The following SLC7A14 variants were observed in gnomAD, a reference collection of about 807,000 sequenced individuals.
The protein encoded by SLC7A14 is solute carrier family 7 member 14.
In SLC7A14, 37 loss-of-function variants were observed where a neutral mutation model predicts 60.2. The ratio of observed to expected loss-of-function variants is 0.61; its 90% CI spans 0.47 to 0.81. The LOEUF (loss-of-function observed/expected upper bound fraction) is 0.81, where lower values mean the gene tolerates loss of function less well. Ranked by LOEUF, SLC7A14 falls within the 30% of genes least tolerant of loss-of-function variation. SLC7A14 has a pLI of 0.00. For missense variants in SLC7A14, 886 were observed against 982.7 expected, an observed-to-expected ratio of 0.90 and a Z score of 1.32; for synonymous variants, 399 against 395.8, an observed-to-expected ratio of 1.01 and a Z score of -0.10.
At chr3:170,530,708 C>G (rs773679932) in intron 1 of SLC7A14, among the ~76,000 whole-genome samples, 1 of 152,120 alleles carries the variant, frequency 6.6e-6, no homozygotes, top group Admixed American at 6.6e-5. Flanking sequence ...TGTAAAAAGG[C>G]GAGGGGTGTG....
At chr3:170,569,936 T>C (rs1406687721) in intron 1 of SLC7A14, among the ~76,000 whole-genome samples, 2 of 152,174 alleles carry the variant, frequency 1.3e-5, no homozygotes, top group Non-Finnish European at 2.9e-5. Flanking sequence ...GGTCTATCAA[T>C]TTTGTTGATC....
At chr3:170,505,306 C>T (rs968203964) in intron 2 of SLC7A14, among the ~76,000 whole-genome samples, 2 of 152,224 alleles carry the variant, frequency 1.3e-5, no homozygotes, top group Admixed American at 1.3e-4. Context: ...GGCAGTTGTA[C>T]TCACAGTGGT....
At position 170,486,307 on chromosome 3, in the gene SLC7A14, G is replaced by T; in HGVS notation, c.821C>A (p.Thr274Asn). ...GTTGGGATTCTTGGCTTCCTCTCCA[G>T]TGGTGGCGATGATGTCAAAGCCAAT... ...AFIGFDIIAT[T>N]GEEAKNPNTS... Residue 274 changes from threonine (T) to asparagine (N), a missense_variant, in exon 5 of 8, where the codon ACT (threonine) becomes AAT (asparagine). Thr to Asn is a moderately conservative substitution (Grantham distance 65). Transcript: ENST00000231706. The T allele has an allele frequency of 6.2e-7, 1 of 1,614,244 alleles. No individual in the cohort carries two copies. The highest frequency in any genetic ancestry group is 8.5e-7 in the Non-Finnish European group (1 of 1,180,040).
chr3:170,486,226 A>T lies in SLC7A14; in HGVS notation c.902T>A (p.Val301Glu). 1.2e-6 allele frequency: 2 copies of T among 1,614,154 alleles called. No homozygotes were observed. The highest frequency in any genetic ancestry group is 1.7e-6 in the Non-Finnish European group (2 of 1,180,032). The change falls in exon 5 of 8, where the codon GTG becomes GAG. Residue 301 changes from valine (V) to glutamate (E), a missense_variant. By Grantham distance (121) the Val-to-Glu change is moderately radical (BLOSUM62 -2). Coordinates refer to ENST00000231706, the MANE Select transcript of SLC7A14 (RefSeq NM_020949.3). ...ASLVICLTAY[V>E]SVSVILTLMV... ...CCGCAAGCATCTGGTACTTACAGAC[A>T]CATATGCTGTCAGGCAGATGACCAG...
rs917337435 is a variant in SLC7A14, at chr3:170,464,934, A to G, written c.*2121T>C. On this transcript the variant is annotated 3_prime_UTR_variant, in exon 8 of 8. Coordinates refer to ENST00000231706, the MANE Select transcript of SLC7A14 (RefSeq NM_020949.3). Reference sequence around the variant, plus strand: ...GTATCAAGCTTAACAGATTCTATTTACACCAGGCAGATTTGTTGAGTCCTA... The same window carrying G: ...GTATCAAGCTTAACAGATTCTATTTGCACCAGGCAGATTTGTTGAGTCCTA... 6.6e-6 allele frequency: 1 copy of G among 152,248 alleles called. No individual in the cohort carries two copies. Among genetic ancestry groups the G allele is most frequent in the African/African-American group, 2.4e-5 (1 of 41,470 alleles). The allele number at this position is 152,248 out of a possible 1,614,324, so 9.4% of individuals were successfully genotyped here.
At chr3:170,488,314 A>C (rs368069641) in intron 4 of SLC7A14, among the ~76,000 whole-genome samples, 1 of 152,144 alleles carries the variant, frequency 6.6e-6, no homozygotes, top group African/African-American at 2.4e-5. Flanking sequence ...TTCCAGAAGA[A>C]AAGAGAACTC....
chr3:170,548,022 G>C (rs1714232171), intron 1 of SLC7A14, among the ~76,000 whole-genome samples: 1 of 152,174 alleles, frequency 6.6e-6, no homozygotes, highest in African/African-American at 2.4e-5. Context: ...CCCTTTGCCA[G>C]ACTGCCCTCT....
intron 4 of SLC7A14, chr3:170,496,366 G>A (rs982136516): frequency 9.9e-6 from 14 of 1,409,000 alleles, no homozygotes; most frequent in Admixed American, 3.4e-5. Flanking sequence ...GAGATGAACC[G>A]GAACATCAGC....
intron 1 of SLC7A14, among the ~76,000 whole-genome samples, chr3:170,560,815 T>C (rs976182710): frequency 1.3e-5 from 2 of 152,216 alleles, no homozygotes; most frequent in Non-Finnish European, 2.9e-5. Flanking sequence ...TTGACGTGTT[T>C]TAATTTAGCC....
intron 1 of SLC7A14, among the ~76,000 whole-genome samples, chr3:170,557,279 C>A (rs1714512157): frequency 6.6e-6 from 1 of 152,000 alleles, no homozygotes; most frequent in Admixed American, 6.6e-5. Context: ...GAATGTGGAG[C>A]CCATTTTTTT....
intron 7 of SLC7A14, among the ~76,000 whole-genome samples, chr3:170,472,201 T>C (rs1739929568): frequency 6.8e-6 from 1 of 146,020 alleles, no homozygotes; most frequent in African/African-American, 2.6e-5. Context: ...AAACCCCGTC[T>C]ACTAAAAAAA....
chr3:170,510,473 T>C (rs925433214), intron 2 of SLC7A14, among the ~76,000 whole-genome samples: 10 of 152,110 alleles, frequency 6.6e-5, no homozygotes, highest in South Asian at 2.1e-4. Flanking sequence ...TCTCCCTCTA[T>C]GAAAATATTT....
intron 2 of SLC7A14, among the ~76,000 whole-genome samples, chr3:170,501,802 G>C (rs1712617335): frequency 6.6e-6 from 1 of 152,186 alleles, no homozygotes; most frequent in Non-Finnish European, 1.5e-5. Context: ...TGAAAATGCT[G>C]TACTATATCT....
rs374592635 is a variant in SLC7A14, at chr3:170,532,360, C to G, written c.-152-5272G>C. Among the ~76,000 whole-genome samples the G allele has an allele frequency of 2.0e-4, 30 of 152,362 alleles. No homozygotes were observed. The South Asian group carries it at 5.6e-3, about 28-fold the overall frequency. On this transcript the variant is annotated intron_variant, in intron 1 of 7. Transcript: ENST00000231706. This position sits in a 1 kb window ranked among gnomAD's most constrained non-coding sequence, Gnocchi z 4.0. Reference sequence around the variant, plus strand: ...TCCCGCATCCAGGTCTTGGCTAACCCTCTCACCACCTCCCTGCTTTTCTTC... The same window carrying G: ...TCCCGCATCCAGGTCTTGGCTAACCGTCTCACCACCTCCCTGCTTTTCTTC...
chr3:170,491,863 G>T (rs1280738306), intron 4 of SLC7A14, among the ~76,000 whole-genome samples: 1 of 152,152 alleles, frequency 6.6e-6, no homozygotes, highest in Admixed American at 6.5e-5. Flanking sequence ...CTGGGGAGCG[G>T]AGGCAAATGG....
chr3:170,489,793 AT>A (rs2108273979), intron 4 of SLC7A14, among the ~76,000 whole-genome samples: 1 of 152,356 alleles, frequency 6.6e-6, no homozygotes, highest in Non-Finnish European at 1.5e-5. Context: ...TTCCAACAAC[AT>A]GGATGGAACT....
Position 170,498,731 on chromosome 3 carries a change from C to G in SLC7A14, c.695G>C (p.Gly232Ala), listed in dbSNP as rs754748206. 6.2e-7 allele frequency: 1 copy of G among 1,614,152 alleles called. No homozygotes were observed. The highest frequency in any genetic ancestry group is 2.2e-5 in the East Asian group (1 of 44,868). Residue 232 changes from glycine (G) to alanine (A), a missense_variant, in exon 4 of 8, where the codon GGC (glycine) becomes GCC (alanine). Coordinates refer to ENST00000231706, the MANE Select transcript of SLC7A14 (RefSeq NM_020949.3). Reference protein sequence around the residue: ...LAVWVFIMIAGLFFINGKYWA... With the variant: ...LAVWVFIMIAALFFINGKYWA... ...GTATTTCCCATTGATGAAGAAGAGG[C>G]CTGCGATCATGATGAACACCCATAC...
chr3:170,582,065 T>C (rs1560287497), intron 1 of SLC7A14, among the ~76,000 whole-genome samples: 1 of 152,214 alleles, frequency 6.6e-6, no homozygotes, highest in Non-Finnish European at 1.5e-5. Context: ...TATAGTAACA[T>C]AGAATTCATA....
chr3:170,561,008 C>A (rs1577563401), intron 1 of SLC7A14, among the ~76,000 whole-genome samples: 1 of 152,318 alleles, frequency 6.6e-6, no homozygotes, highest in South Asian at 2.1e-4. Flanking sequence ...ACACCCCCTT[C>A]CCCACATTAG....
Sources: gnomAD v4.1 joint callset for allele counts (sites outside exome capture counted in the v4.1 genomes callset) on GRCh38, gnomAD v4.1.1 for gene constraint, Gnocchi (gnomAD v3.1) non-coding constraint, MANE v1.5 for transcripts, NCBI Gene and HGNC (gene_info 2026-07-23, HGNC 2026-07-21) for gene names.